Variants in PAMR1 observed in about 807,000 individuals in gnomAD.
The protein encoded by PAMR1 is peptidase domain containing associated with muscle regeneration 1.
Under a neutral mutation model 81.8 loss-of-function variants are expected in PAMR1, and 88 were observed. The observed-to-expected ratio is 1.08, with a 90% CI of 0.91 to 1.28. PAMR1 has a LOEUF of 1.28. PAMR1 is among the 50% of genes most tolerant of loss of function. PAMR1 has a pLI of 0.00. For synonymous variants in PAMR1, 336 were observed against 345.3 expected (o/e 0.97, Z 0.30); for missense variants, 935 against 919.7 (o/e 1.02, Z -0.21).
At chr11:35,485,991 G>A (rs1850495234) in intron 3 of PAMR1, among the ~76,000 whole-genome samples, 2 of 152,242 alleles carry the variant, frequency 1.3e-5, no homozygotes, top group South Asian at 4.2e-4. Context: ...GCACCAGGCA[G>A]GCATTCAACA....
chr11:35,447,436 C>T (rs2222137), intron 6 of PAMR1, among the ~76,000 whole-genome samples: 1 of 152,082 alleles, frequency 6.6e-6, no homozygotes, highest in African/African-American at 2.4e-5. Flanking sequence ...ATCTCCTGAC[C>T]TCATGATCTG....
At chr11:35,436,271 ATC>A (rs924128745) in intron 8 of PAMR1, 136 bp from the exon 9 acceptor site, 16 of 628,256 alleles carry the variant, frequency 2.5e-5, no homozygotes, top group South Asian at 3.8e-5. Context: ...GTCTCTCTCT[ATC>A]TCTCTCTCTG....
chr11:35,513,258 T>A (rs1851105426), intron 1 of PAMR1: 1 of 152,226 alleles, frequency 6.6e-6, no homozygotes, highest in South Asian at 2.1e-4. Context: ...CAGTTCTAGG[T>A]TGTTCATCTA....
In PAMR1 at chr11:35,432,498, G is replaced by T. The variant is rs201029324; in HGVS notation, c.2021C>A (p.Pro674Gln). The change falls in exon 11 of 11, where the codon CCG (proline) becomes CAG (glutamine). Residue 674 changes from proline to glutamine, a missense_variant. Transcript: ENST00000619888. ...GCGTGGCTCAGGAGATGCTCGTCCCGGGAAGGACACAGCCGCGATGCCTCC... is the reference window on the plus strand; with the variant it reads ...GCGTGGCTCAGGAGATGCTCGTCCCTGGAAGGACACAGCCGCGATGCCTCC... ...ETGGIAAVSF[P>Q]GRASPEPRWH... 1 of 1,614,196 alleles carries T rather than the reference G, an allele frequency of 6.2e-7. No individual in the cohort carries two copies. The highest frequency in any genetic ancestry group is 1.7e-5 in the Admixed American group (1 of 60,026).
intron 1 of PAMR1, among the ~76,000 whole-genome samples, chr11:35,522,063 C>T (rs1195071765): frequency 6.6e-6 from 1 of 152,118 alleles, no homozygotes; most frequent in Non-Finnish European, 1.5e-5. Context: ...GCTGGGACTA[C>T]AGGCGCCTGC....
chr11:35,455,540 A>G (rs1345488850), intron 6 of PAMR1, among the ~76,000 whole-genome samples: 1 of 152,206 alleles, frequency 6.6e-6, no homozygotes, highest in Non-Finnish European at 1.5e-5. Flanking sequence ...GCATGAATAT[A>G]TGTCTTTTCC....
chr11:35,513,587 A>G (rs569094507), intron 1 of PAMR1: 1 of 152,324 alleles, frequency 6.6e-6, no homozygotes, highest in East Asian at 1.9e-4. Flanking sequence ...AGTCCTCACA[A>G]TTGCATTACT....
chr11:35,516,858 TGAAATATCA>T (rs1851173482), intron 1 of PAMR1, among the ~76,000 whole-genome samples: 1 of 152,192 alleles, frequency 6.6e-6, no homozygotes, highest in African/African-American at 2.4e-5. Context: ...GATGATCTAA[TGAAATATCA>T]GTCAGGTAGA....
chr11:35,518,091 T>C (rs1565363461), intron 1 of PAMR1, among the ~76,000 whole-genome samples: 1 of 152,134 alleles, frequency 6.6e-6, no homozygotes, highest in Non-Finnish European at 1.5e-5. Context: ...TACCAGTGCA[T>C]TGGCCACAGG....
intron 6 of PAMR1, among the ~76,000 whole-genome samples, chr11:35,455,275 A>G (rs541725775): frequency 6.6e-6 from 1 of 152,330 alleles, no homozygotes; most frequent in African/African-American, 2.4e-5. Context: ...TCCTCAGTAC[A>G]CACTCATGAC....
chr11:35,518,267 T>C (rs1851205864), intron 1 of PAMR1, among the ~76,000 whole-genome samples: 1 of 151,958 alleles, frequency 6.6e-6, no homozygotes, highest in Admixed American at 6.6e-5. Context: ...TTGAAAATTA[T>C]AGGAGTAGAT....
At chr11:35,442,270 A>G (rs1439962931) in intron 6 of PAMR1, among the ~76,000 whole-genome samples, 1 of 152,230 alleles carries the variant, frequency 6.6e-6, no homozygotes, top group Non-Finnish European at 1.5e-5. Flanking sequence ...GATACAATAA[A>G]TTTCCCTTGA....
intron 9 of PAMR1, 50 bp downstream of exon 9, chr11:35,435,853 A>T: frequency 7.4e-7 from 1 of 1,345,652 alleles, no homozygotes; most frequent in Non-Finnish European, 1.1e-6. Flanking sequence ...TTTCTCAGGC[A>T]GTCATGAAAG....
At chr11:35,501,047 C>T (rs183353630) in intron 1 of PAMR1, among the ~76,000 whole-genome samples, 22 of 152,226 alleles carry the variant, frequency 1.4e-4, no homozygotes, top group Non-Finnish European at 2.8e-4. Context: ...ACACTTAGCC[C>T]ACACTCAATT....
At chr11:35,435,428 G>A (rs1440457775) in intron 9 of PAMR1, among the ~76,000 whole-genome samples, 2 of 151,798 alleles carry the variant, frequency 1.3e-5, no homozygotes, top group East Asian at 1.9e-4. Flanking sequence ...GGCTGGTCTC[G>A]AGCTCCTGAC....
chr11:35,449,943 G>C (rs1254061457), intron 6 of PAMR1, among the ~76,000 whole-genome samples: 5 of 151,874 alleles, frequency 3.3e-5, no homozygotes, highest in Non-Finnish European at 7.4e-5. Flanking sequence ...GTCTCAATGA[G>C]AGAACCTAGA....
At chr11:35,459,344 A>T (rs1048494777) in intron 6 of PAMR1, among the ~76,000 whole-genome samples, 1 of 152,216 alleles carries the variant, frequency 6.6e-6, no homozygotes, top group Non-Finnish European at 1.5e-5. Context: ...AACCTGACAC[A>T]TTCCCATTTG....
At chr11:35,525,961 G>A (rs550470076), upstream of PAMR1, 1 of 253,640 alleles carries the variant, frequency 3.9e-6, no homozygotes, top group East Asian at 8.9e-5. Context: ...AGGTACCCAG[G>A]GCTGCGGGGC....
chr11:35,526,639 G>A (rs1037528565), upstream of PAMR1, among the ~76,000 whole-genome samples: 1 of 152,252 alleles, frequency 6.6e-6, no homozygotes, highest in Non-Finnish European at 1.5e-5. Flanking sequence ...CACAGTTAGT[G>A]AGGGGCAGAG....
Sources: allele counts gnomAD v4.1 joint callset (sites outside exome capture counted in the v4.1 genomes callset), GRCh38; gene constraint gnomAD v4.1.1; transcripts MANE v1.5; gene names NCBI Gene and HGNC (gene_info 2026-07-23, HGNC 2026-07-21).